DNM3: variants seen among roughly 807,000 people sequenced by gnomAD.
DNM3 encodes dynamin 3.
In DNM3, 47 loss-of-function variants were observed where a neutral mutation model predicts 101.6. The ratio of observed to expected loss-of-function variants is 0.46; its 90% CI spans 0.37 to 0.59. DNM3 has a LOEUF of 0.59. DNM3 is among the 20% of genes least tolerant of loss of function. DNM3 has a pLI of 0.00. For missense variants in DNM3, 849 were observed against 1,085.7 expected, an observed-to-expected ratio of 0.78 and a Z score of 3.06; for synonymous variants, 385 against 387.9, an observed-to-expected ratio of 0.99 and a Z score of 0.09.
At chr1:172,275,879 G>C (rs764358042) in intron 15 of DNM3, among the ~76,000 whole-genome samples, 4 of 152,082 alleles carry the variant, frequency 2.6e-5, no homozygotes, top group African/African-American at 4.8e-5. Context: ...ATTAAGGAAG[G>C]CATGAAAGTT....
At chr1:172,132,755 T>C (rs1231968870) in intron 14 of DNM3, 11 of 603,276 alleles carry the variant, frequency 1.8e-5, no homozygotes, top group East Asian at 1.4e-4. Flanking sequence ...TAGTGTTTTA[T>C]ATGTATTAAT....
chr1:172,402,785 C>A (rs924487123), intron 20 of DNM3, among the ~76,000 whole-genome samples: 8 of 152,186 alleles, frequency 5.3e-5, no homozygotes, highest in Admixed American at 1.3e-4. Flanking sequence ...TTCACCCATG[C>A]TTAAGTCTAA....
At chr1:171,909,049 A>T (rs1327898991) in intron 1 of DNM3, among the ~76,000 whole-genome samples, 2 of 152,166 alleles carry the variant, frequency 1.3e-5, no homozygotes, top group Non-Finnish European at 2.9e-5. Flanking sequence ...GTGGGAAGAA[A>T]ATAAATGACA....
intron 20 of DNM3, among the ~76,000 whole-genome samples, chr1:172,392,308 A>G (rs1023356721): frequency 1.3e-5 from 2 of 152,214 alleles, no homozygotes; most frequent in Admixed American, 1.3e-4. Flanking sequence ...AGTATACACA[A>G]ATCAGTGATT....
At chr1:172,366,282 A>G (rs1292642192) in intron 17 of DNM3, among the ~76,000 whole-genome samples, 2 of 151,922 alleles carry the variant, frequency 1.3e-5, no homozygotes, top group Non-Finnish European at 2.9e-5. Context: ...GCTTTTGAAA[A>G]ACAAAACAAA....
At chr1:172,259,270 C>A (rs2062546330) in intron 15 of DNM3, among the ~76,000 whole-genome samples, 1 of 151,972 alleles carries the variant, frequency 6.6e-6, no homozygotes, top group Non-Finnish European at 1.5e-5. Flanking sequence ...TCTATTTGGT[C>A]TAATATGCAG....
intron 12 of DNM3, among the ~76,000 whole-genome samples, chr1:172,083,419 G>A (rs938194409): frequency 6.6e-6 from 1 of 152,152 alleles, no homozygotes; most frequent in East Asian, 1.9e-4. Flanking sequence ...GAATTTAAAA[G>A]ACAAACAAAT....
chr1:172,169,836 G>C (rs976259813), intron 14 of DNM3, among the ~76,000 whole-genome samples: 2 of 151,802 alleles, frequency 1.3e-5, no homozygotes, highest in Non-Finnish European at 2.9e-5. Context: ...ATGGTTTGTT[G>C]TGATATTTAA....
At chr1:172,368,949 G>A (rs1287794760) in intron 17 of DNM3, among the ~76,000 whole-genome samples, 1 of 151,852 alleles carries the variant, frequency 6.6e-6, no homozygotes, top group East Asian at 1.9e-4. Context: ...TGGAAAACTT[G>A]AACAGAACAA....
chr1:171,883,794 T>C (rs1196836839), intron 1 of DNM3, among the ~76,000 whole-genome samples: 1 of 152,180 alleles, frequency 6.6e-6, no homozygotes, highest in Non-Finnish European at 1.5e-5. Context: ...TTCCTAAAAT[T>C]ACTTAAGCAC....
chr1:172,114,364 TAGGCTGGGTG>T (rs998115322), intron 13 of DNM3, among the ~76,000 whole-genome samples: 5 of 152,116 alleles, frequency 3.3e-5, no homozygotes, highest in African/African-American at 1.2e-4. Flanking sequence ...GGAAAGAGAT[TAGGCTGGGTG>T]TTCTAAGACA....
chr1:172,029,392 G>A (rs181888845), intron 4 of DNM3, among the ~76,000 whole-genome samples: 246 of 152,264 alleles, frequency 1.6e-3, no homozygotes, highest in Non-Finnish European at 2.8e-3. Context: ...ACTAGGTATT[G>A]ATGGAACGTA....
intron 1 of DNM3, among the ~76,000 whole-genome samples, chr1:171,918,318 A>G (rs1046702200): frequency 3.3e-5 from 5 of 152,186 alleles, no homozygotes; most frequent in African/African-American, 1.2e-4. Context: ...CTCAGTTTAG[A>G]AGTAAAAGAA....
At chr1:172,034,337 C>G (rs2048815031) in intron 6 of DNM3, among the ~76,000 whole-genome samples, 1 of 151,998 alleles carries the variant, frequency 6.6e-6, no homozygotes, top group South Asian at 2.1e-4. Context: ...TGCAAGAATG[C>G]TAACACTCTA....
Position 172,407,948 on chromosome 1 carries a change from G to A in DNM3, c.*107G>A. 1.3e-6 allele frequency: 2 copies of A among 1,586,662 alleles called. No homozygotes were observed. Among genetic ancestry groups the A allele is most frequent in the Admixed American group, 1.7e-5 (1 of 58,756 alleles). ...GTAGTCGCATGTGTGGACATCAGTAGGCAAGTAACCAGTTTTACTAATGCA... is the reference window on the plus strand; with the variant it reads ...GTAGTCGCATGTGTGGACATCAGTAAGCAAGTAACCAGTTTTACTAATGCA... On this transcript the variant is annotated 3_prime_UTR_variant, in exon 21 of 21. Coordinates refer to ENST00000627582, the MANE Select transcript of DNM3 (RefSeq NM_015569.5).
At chr1:171,977,884 A>G (rs1482244400) in intron 2 of DNM3, among the ~76,000 whole-genome samples, 1 of 152,188 alleles carries the variant, frequency 6.6e-6, no homozygotes, top group Admixed American at 6.5e-5. Context: ...CAACTCTCAC[A>G]TGTATAGTTC....
intron 14 of DNM3, among the ~76,000 whole-genome samples, chr1:172,153,879 G>T (rs1322519918): frequency 6.6e-6 from 1 of 151,970 alleles, no homozygotes; most frequent in Admixed American, 6.6e-5. Flanking sequence ...TCTTCAGAAG[G>T]GTGGAGAAAG....
chr1:171,841,524 G>C lies in DNM3; in HGVS notation c.-133G>C. The C allele has an allele frequency of 1.6e-6, 2 of 1,285,604 alleles. No homozygotes were observed. Among genetic ancestry groups the C allele is most frequent in the Non-Finnish European group, 2.1e-6 (2 of 971,920 alleles). The allele number at this position is 1,285,604 out of a possible 1,614,324, so 79.6% of individuals were successfully genotyped here. A position where few individuals can be genotyped will look rare whatever the true frequency, so the allele number is the denominator to read the frequency against. ...GAGCCAAGCGGCGGGCTGGCGGCGG[G>C]CTCCGACGTCTGCGCCAGGACCTGG... On this transcript the variant is annotated 5_prime_UTR_variant, in exon 1 of 21. Transcript: ENST00000627582.
At chr1:172,331,582 C>T (rs1167068077) in intron 17 of DNM3, among the ~76,000 whole-genome samples, 3 of 152,072 alleles carry the variant, frequency 2.0e-5, no homozygotes, top group African/African-American at 7.2e-5. Context: ...GCTAGGCACC[C>T]CACCAGACAC....
Sources: gnomAD v4.1 joint callset for allele counts (sites outside exome capture counted in the v4.1 genomes callset) on GRCh38, gnomAD v4.1.1 for gene constraint, MANE v1.5 for transcripts, NCBI Gene and HGNC (gene_info 2026-07-23, HGNC 2026-07-21) for gene names.